Variants in FAXDC2 observed in about 807,000 individuals in gnomAD.
FAXDC2 encodes fatty acid hydroxylase domain containing 2, also known as fatty acid hydroxylase domain-containing protein 2.
A neutral mutation model predicts 40.9 loss-of-function variants in FAXDC2; 41 were observed. The observed-to-expected ratio is 1.00, with a 90% CI of 0.78 to 1.30. FAXDC2 has a LOEUF of 1.30. FAXDC2 is among the 50% of genes most tolerant of loss of function. The pLI, the probability that FAXDC2 is intolerant of heterozygous loss-of-function variation, is 0.00. For missense variants in FAXDC2, 390 were observed against 408.8 expected (o/e 0.95, Z 0.40); for synonymous variants, 157 against 149.3 (o/e 1.05, Z -0.38).
chr5:154,824,233 G>T, intron 5 of FAXDC2: 1 of 518,750 alleles, frequency 1.9e-6, no homozygotes, highest in Admixed American at 3.2e-5. Context: ...AGTCCATTTG[G>T]CCTCAATACT....
In FAXDC2 at chr5:154,822,516, G is replaced by C. The variant is rs757188194; in HGVS notation, c.634C>G (p.Pro212Ala). 6.2e-7 allele frequency: 1 copy of C among 1,614,038 alleles called. No individual in the cohort carries two copies. The highest frequency in any genetic ancestry group is 8.5e-7 in the Non-Finnish European group (1 of 1,180,006). Residue 212 changes from proline (P) to alanine (A), a missense_variant, in exon 7 of 9, where the codon CCC becomes GCC. Pro to Ala is a conservative substitution (Grantham distance 27). Coordinates refer to ENST00000326080, the MANE Select transcript of FAXDC2 (RefSeq NM_032385.5). Reference protein sequence around the residue: ...IHKKHHEWTAPIGVISLYAHP... With the variant: ...IHKKHHEWTAAIGVISLYAHP... ...GCATAGAGAGAGATCACGCCAATGG[G>C]AGCTGTCCACTCATGGTGTTTCTTG... is the stretch of plus-strand genomic sequence containing the variant.
chr5:154,824,717 T>C, intron 5 of FAXDC2: 1 of 588,930 alleles, frequency 1.7e-6, no homozygotes, highest in Non-Finnish European at 3.0e-6. Flanking sequence ...AAATAAAGCA[T>C]GAGCAAAACA....
intron 5 of FAXDC2, among the ~76,000 whole-genome samples, chr5:154,826,418 A>G (rs748272831): frequency 1.3e-5 from 2 of 151,820 alleles, no homozygotes; most frequent in Non-Finnish European, 2.9e-5. Context: ...AATCCCAACT[A>G]CTGGGGAGGC....
At chr5:154,825,804 T>G (rs1435763044) in intron 5 of FAXDC2, among the ~76,000 whole-genome samples, 3 of 151,968 alleles carry the variant, frequency 2.0e-5, no homozygotes, top group Non-Finnish European at 4.4e-5. Context: ...ATAGATTGGA[T>G]GTGGAGTATG....
At chr5:154,831,809 A>G (rs1760199464) in intron 4 of FAXDC2, among the ~76,000 whole-genome samples, 1 of 152,208 alleles carries the variant, frequency 6.6e-6, no homozygotes, top group Non-Finnish European at 1.5e-5. Flanking sequence ...CAGAGAGCCA[A>G]GACAGAAAGG....
In FAXDC2 at chr5:154,834,857, C is replaced by G; in HGVS notation, c.126G>C (p.Trp42Cys). 1 of 1,611,170 alleles carries G rather than the reference C, an allele frequency of 6.2e-7. No homozygotes were observed. The highest frequency in any genetic ancestry group is 2.2e-5 in the East Asian group (1 of 44,844). Residue 42 changes from tryptophan to cysteine, a missense_variant, in exon 3 of 9, where the codon TGG becomes TGC. Trp to Cys is a radical substitution (Grantham distance 215, BLOSUM62 -2). Coordinates refer to ENST00000326080, the MANE Select transcript of FAXDC2 (RefSeq NM_032385.5). ...GSGLLSFVAF[W>C]NSVTWHLQRF... ...AGCCGACTTACCATGTCACTGAGTT[C>G]CAGAAGGCCACAAATGAGAGAAGTC...
chr5:154,833,753 G>A (rs865959130), intron 4 of FAXDC2, among the ~76,000 whole-genome samples: 117 of 151,588 alleles, frequency 7.7e-4, no homozygotes, highest in African/African-American at 2.6e-3. Flanking sequence ...ACTGCAACCC[G>A]CCTCCCAGGT....
At chr5:154,825,074 A>G (rs1265192442) in intron 5 of FAXDC2, among the ~76,000 whole-genome samples, 1 of 150,974 alleles carries the variant, frequency 6.6e-6, no homozygotes, top group Non-Finnish European at 1.5e-5. Flanking sequence ...AAAAAAAAAA[A>G]AAAAAAAGGG....
chr5:154,838,294 T>G, intron 1 of FAXDC2, 116 bp from the exon 2 acceptor site: 2 of 798,306 alleles, frequency 2.5e-6, no homozygotes, highest in South Asian at 3.4e-5. Flanking sequence ...AAAAAAAAAA[T>G]TGGCTTGTTG....
In FAXDC2 at chr5:154,820,255, C is replaced by A; in HGVS notation, c.*61G>T. 7.1e-7 allele frequency: 1 copy of A among 1,405,794 alleles called. No individual in the cohort carries two copies. The highest frequency in any genetic ancestry group is 1.4e-5 in the South Asian group (1 of 73,222). 87.1% of individuals were successfully genotyped at this position (1,405,794 alleles called of 1,614,324 possible). A position where few individuals can be genotyped will look rare whatever the true frequency, so the allele number is the denominator to read the frequency against. On this transcript the variant is annotated 3_prime_UTR_variant, in exon 9 of 9. Coordinates refer to ENST00000326080, the MANE Select transcript of FAXDC2 (RefSeq NM_032385.5). ...AAGGAGGCAAATTGTTAGGTGCAAT[C>A]AGGAAGCCGTGTCTGCATCCCATGG...
intron 5 of FAXDC2, chr5:154,824,632 C>T: frequency 1.4e-6 from 1 of 698,328 alleles, no homozygotes; most frequent in Non-Finnish European, 2.6e-6. Flanking sequence ...GGTATCACAT[C>T]TATCTATTCA....
rs548884966 is a variant in FAXDC2, at chr5:154,846,953, C to T, written c.-1+3530G>A. 3.3e-5 allele frequency among the ~76,000 whole-genome samples: 5 copies of T among 151,062 alleles called. No homozygotes were observed. In the East Asian group the frequency reaches 9.7e-4, roughly 29 times the overall value. On this transcript the variant is annotated intron_variant, in intron 1 of 8. Coordinates refer to ENST00000326080, the MANE Select transcript of FAXDC2 (RefSeq NM_032385.5). ...TTGTTTGTTTTTTTTTTAGTGTGAA[C>T]CAAGGATTTTATTTATTTTTATTTT...
chr5:154,842,283 C>T (rs1157250202), intron 1 of FAXDC2, among the ~76,000 whole-genome samples: 14 of 151,248 alleles, frequency 9.3e-5, no homozygotes, highest in Admixed American at 7.9e-4. Flanking sequence ...CGGCAACCTC[C>T]ACCTCCTGGG....
chr5:154,834,687 T>C lies in FAXDC2; in HGVS notation c.182A>G (p.Gln61Arg). The C allele has an allele frequency of 6.2e-7, 1 of 1,613,418 alleles. No homozygotes were observed. The highest frequency in any genetic ancestry group is 8.5e-7 in the Non-Finnish European group (1 of 1,179,874). Residue 61 changes from glutamine to arginine, a missense_variant, in exon 4 of 9, where the codon CAA (glutamine) becomes CGA (arginine). Physicochemically the swap from Gln to Arg is conservative, Grantham distance 43. Coordinates refer to ENST00000326080, the MANE Select transcript of FAXDC2 (RefSeq NM_032385.5). ...AGTCAGCAGCCTCTCCCACTGGGCTTGCCAAAAGTAGCCAGAAGCACCCCA... is the reference window on the plus strand; with the variant it reads ...AGTCAGCAGCCTCTCCCACTGGGCTCGCCAAAAGTAGCCAGAAGCACCCCA... ...RFWGASGYFW[Q>R]AQWERLLTTF... is the part of the protein sequence containing the mutation.
rs1759810014 is a variant in FAXDC2, at chr5:154,819,136, G to GA, written c.*1179dup. On this transcript the variant is annotated 3_prime_UTR_variant, in exon 9 of 9. Transcript: ENST00000326080. ...AGTGGATGTTTTTCTTAAGAGAACT[G>GA]AAAGTTGGAAAAGGCACAAGTATAT... The GA allele has an allele frequency of 6.6e-6, 1 of 152,202 alleles. No individual in the cohort carries two copies. Among genetic ancestry groups the GA allele is most frequent in the African/African-American group, 2.4e-5 (1 of 41,444 alleles). The allele number at this position is 152,202 out of a possible 1,614,324, so 9.4% of individuals were successfully genotyped here.
chr5:154,842,141 A>G (rs1760489230), intron 1 of FAXDC2, among the ~76,000 whole-genome samples: 1 of 151,818 alleles, frequency 6.6e-6, no homozygotes, highest in Admixed American at 6.6e-5. Flanking sequence ...TTAGGGCTAA[A>G]CCTATCAAAT....
At chr5:154,823,690 G>T in intron 5 of FAXDC2, 98 bp from the exon 6 acceptor site, 1 of 999,846 alleles carries the variant, frequency 1.0e-6, no homozygotes, top group South Asian at 1.5e-5. Flanking sequence ...TTGGATTCTG[G>T]GAGAGATGTC....
In FAXDC2 at chr5:154,826,583, G is replaced by T. The variant is rs1185583792; in HGVS notation, c.367-2991C>A. On this transcript the variant is annotated intron_variant, in intron 5 of 8. Transcript: ENST00000326080. The stretch of plus-strand genomic sequence containing the variant: ...ATTGAGGGGCTACCTAGAGAGCAGG[G>T]TGTCCTGGAAGCCAAGTGAAAAAAA... Among the ~76,000 whole-genome samples the T allele has an allele frequency of 4.6e-5, 7 of 151,874 alleles. No homozygotes were observed. The South Asian group carries it at 1.5e-3, about 32-fold the overall frequency.
intron 5 of FAXDC2, among the ~76,000 whole-genome samples, chr5:154,826,373 C>T (rs1321592645): frequency 1.3e-5 from 2 of 151,514 alleles, no homozygotes; most frequent in Admixed American, 1.3e-4. Context: ...ACTAAAAATA[C>T]AAAAAATTAG....
Sources: gnomAD v4.1 joint callset for allele counts (sites outside exome capture counted in the v4.1 genomes callset) on GRCh38, gnomAD v4.1.1 for gene constraint, MANE v1.5 for transcripts, NCBI Gene and HGNC (gene_info 2026-07-23, HGNC 2026-07-21) for gene names.